NF1: variants seen among roughly 807,000 people sequenced by gnomAD.
The protein encoded by NF1 is neurofibromin.
Under a neutral mutation model 325.7 loss-of-function variants are expected in NF1, and 122 were observed. The observed-to-expected ratio is 0.37, with a 90% CI of 0.32 to 0.44. The LOEUF is 0.44. Ranked by LOEUF, NF1 falls within the 20% of genes least tolerant of loss-of-function variation. NF1 has a pLI of 1.00. For synonymous variants in NF1, 1,091 were observed against 1,186.0 expected, an observed-to-expected ratio of 0.92 and a Z score of 1.65; for missense variants, 2,140 against 3,415.4, an observed-to-expected ratio of 0.63 and a Z score of 9.31.
chr17:31,260,247 G>A, intron 33 of NF1, 122 bp from the exon 34 acceptor site: 1 of 1,055,784 alleles, frequency 9.5e-7, no homozygotes, highest in Non-Finnish European at 1.4e-6. Context: ...CACATTGTGT[G>A]AACAAGCCCT....
At chr17:31,096,403 T>G (rs1166074518) in intron 1 of NF1, among the ~76,000 whole-genome samples, 5 of 152,160 alleles carry the variant, frequency 3.3e-5, no homozygotes, top group African/African-American at 1.2e-4. Flanking sequence ...GAGGTGACTT[T>G]TTATCGCCTG....
In NF1 at chr17:31,095,829, TCTTATATAC is replaced by T. The variant is rs558777317; in HGVS notation, c.60+462_60+470del. Among the ~76,000 whole-genome samples, 12 of 152,214 alleles carry T rather than the reference TCTTATATAC, an allele frequency of 7.9e-5. No homozygotes were observed. In the East Asian group the frequency reaches 1.7e-3, roughly 22 times the overall value. ...GGGGACGAGCGAACCCTAAGGCCTG[TCTTATATAC>T]CCTCAATAGGAGAACGATAACATTC... On this transcript the variant is annotated intron_variant, in intron 1 of 57. Transcript: ENST00000358273.
chr17:31,157,369 C>A (rs1567815138), intron 2 of NF1, among the ~76,000 whole-genome samples: 2 of 152,082 alleles, frequency 1.3e-5, no homozygotes, highest in East Asian at 3.9e-4. Flanking sequence ...GATTGTTCCC[C>A]CTTCCTTTTT....
At chr17:31,299,088 G>A (rs1461926312) in intron 36 of NF1, among the ~76,000 whole-genome samples, 1 of 151,842 alleles carries the variant, frequency 6.6e-6, no homozygotes, top group Non-Finnish European at 1.5e-5. Flanking sequence ...TTCAAGTTTG[G>A]GACATACCAA....
intron 1 of NF1, among the ~76,000 whole-genome samples, chr17:31,146,626 G>A (rs1467068952): frequency 6.6e-6 from 1 of 152,192 alleles, no homozygotes; most frequent in Non-Finnish European, 1.5e-5. Flanking sequence ...AAGTTAATCA[G>A]CTTTTTTGTT....
intron 11 of NF1, 120 bp downstream of exon 11, chr17:31,201,605 A>C: frequency 1.4e-6 from 1 of 737,726 alleles, no homozygotes; most frequent in Non-Finnish European, 2.4e-6. Flanking sequence ...AGATGTATGA[A>C]ATAGGAAAAT....
chr17:31,135,523 TC>T (rs1337353739), intron 1 of NF1, among the ~76,000 whole-genome samples: 1 of 152,130 alleles, frequency 6.6e-6, no homozygotes, highest in Non-Finnish European at 1.5e-5. Context: ...ATGACTGACA[TC>T]TTTGGATTCC....
At chr17:31,331,054 T>C (rs2069473458) in intron 39 of NF1, 1 of 152,256 alleles carries the variant, frequency 6.6e-6, no homozygotes, top group African/African-American at 2.4e-5. Flanking sequence ...GTTTTATAAA[T>C]GTTGATCTTC....
At chr17:31,284,875 C>G (rs767453663) in intron 36 of NF1, among the ~76,000 whole-genome samples, 1 of 152,118 alleles carries the variant, frequency 6.6e-6, no homozygotes, top group Non-Finnish European at 1.5e-5. Context: ...AATCCCATCA[C>G]ATTAGGAGGC....
At position 31,142,783 on chromosome 17, in the gene NF1, C is replaced by T. The variant is rs376178829; in HGVS notation, c.61-13200C>T. Among the ~76,000 whole-genome samples the T allele has an allele frequency of 1.3e-4, 20 of 151,800 alleles. No individual in the cohort carries two copies. The East Asian group carries it at 1.4e-3, about 10-fold the overall frequency. ...TCGGGAGGCTGAGGCAGGAGAATGG[C>T]ATGAACCCGGGAGGCGGAGCTTGCA... is the stretch of plus-strand genomic sequence containing the variant. On this transcript the variant is annotated intron_variant, in intron 1 of 57. Transcript: ENST00000358273.
chr17:31,346,095 C>A, intron 48 of NF1: 2 of 1,612,018 alleles, frequency 1.2e-6, no homozygotes, highest in South Asian at 2.2e-5. Context: ...AGTGCTCCAC[C>A]AATTTTCCGG....
chr17:31,341,590 A>AGTG (rs1383198545), intron 47 of NF1, among the ~76,000 whole-genome samples: 1 of 60,974 alleles, frequency 1.6e-5, no homozygotes, highest in African/African-American at 5.5e-5. Flanking sequence ...ATATATATAT[A>AGTG]TAAAGTGTGT....
intron 57 of NF1, among the ~76,000 whole-genome samples, chr17:31,370,205 A>T (rs2107359): frequency 0.5 from 75,673 of 152,012 alleles, 20,702 homozygotes; most frequent in Non-Finnish European, 0.62. Context: ...AATTTGAGAA[A>T]AGAAGTAGAA....
chr17:31,116,895 T>C (rs1015191209), intron 1 of NF1, among the ~76,000 whole-genome samples: 6 of 151,858 alleles, frequency 4.0e-5, no homozygotes, highest in Admixed American at 3.9e-4. Context: ...GCCAGGATGG[T>C]CTCGATCTCC....
chr17:31,189,503 A>G (rs748465621), intron 8 of NF1, among the ~76,000 whole-genome samples: 1 of 152,152 alleles, frequency 6.6e-6, no homozygotes, highest in Non-Finnish European at 1.5e-5. Context: ...CATCTTCCCA[A>G]AAAGAAACCC....
rs145006468 is a variant in NF1, at chr17:31,208,735, A to G, written c.1392+2364A>G. Reference sequence around the variant, plus strand: ...GTGATACCCTATATCTACTAAAAATACAAAAATTAGCCAGGCGTGGTGGTG... The same window carrying G: ...GTGATACCCTATATCTACTAAAAATGCAAAAATTAGCCAGGCGTGGTGGTG... On this transcript the variant is annotated intron_variant, in intron 12 of 57. Transcript: ENST00000358273. Among the ~76,000 whole-genome samples, 39 of 152,250 alleles carry G rather than the reference A, an allele frequency of 2.6e-4. 1 individual carries two copies. The highest frequency in any genetic ancestry group is 9.4e-4 in the African/African-American group (39 of 41,544).
chr17:31,203,462 G>C (rs1320269738), intron 11 of NF1, among the ~76,000 whole-genome samples: 2 of 152,096 alleles, frequency 1.3e-5, no homozygotes, highest in East Asian at 3.8e-4. Context: ...GATAGTGTGG[G>C]AAATTGTTTC....
intron 2 of NF1, among the ~76,000 whole-genome samples, chr17:31,156,713 C>T (rs942681588): frequency 2.6e-5 from 4 of 152,106 alleles, no homozygotes; most frequent in Non-Finnish European, 4.4e-5. Flanking sequence ...GTTAAAAGCT[C>T]ATAATTTCTT....
At chr17:31,294,539 C>A in intron 36 of NF1, 1 of 172,082 alleles carries the variant, frequency 5.8e-6, no homozygotes, top group Non-Finnish European at 1.3e-5. Flanking sequence ...TGGATACTAC[C>A]GCCATTTTAT....
Sources: gnomAD v4.1 joint callset for allele counts (sites outside exome capture counted in the v4.1 genomes callset) on GRCh38, gnomAD v4.1.1 for gene constraint, MANE v1.5 for transcripts, NCBI Gene and HGNC (gene_info 2026-07-23, HGNC 2026-07-21) for gene names.